The following PPIL2 variants were observed in gnomAD, a reference collection of about 807,000 sequenced individuals.
PPIL2 encodes the protein peptidylprolyl isomerase like 2.
PPIL2 carries 50 observed loss-of-function variants against 75.2 expected under a neutral mutation model. The observed-to-expected ratio is 0.66, with a 90% confidence interval of 0.53 to 0.84. The LOEUF is 0.84. Ranked by LOEUF, PPIL2 falls within the 40% of genes least tolerant of loss-of-function variation. The pLI, the probability that PPIL2 is intolerant of heterozygous loss-of-function variation, is 0.00. For missense variants in PPIL2, 590 were observed against 685.0 expected (o/e 0.86, Z 1.55); for synonymous variants, 245 against 258.8 (o/e 0.95, Z 0.51).
intron 13 of PPIL2, 70 bp downstream of exon 13, chr22:21,687,802 C>A: frequency 6.8e-7 from 1 of 1,463,930 alleles, no homozygotes. Context: ...GGGCTTGTCC[C>A]TGCCCCATCC....
chr22:21,690,450 C>T (rs1489989605), intron 15 of PPIL2, among the ~76,000 whole-genome samples: 2 of 151,486 alleles, frequency 1.3e-5, no homozygotes, highest in African/African-American at 4.9e-5. Flanking sequence ...GGCAGCTATT[C>T]GTGCCACTTC....
Position 21,686,912 on chromosome 22 carries a change from C to T in PPIL2, c.811C>T (p.Leu271=). The T allele has an allele frequency of 6.2e-7, 1 of 1,614,094 alleles. No homozygotes were observed. Among genetic ancestry groups the T allele is most frequent in the Non-Finnish European group, 8.5e-7 (1 of 1,180,014 alleles). Residue 271 remains leucine (L), a synonymous_variant, in exon 12 of 20, where the codon CTG becomes TTG. Transcript: ENST00000398831. ...TGTAGCTGCCATCGACGAGGATGTG[C>T]TGCGCTACCAGTTTGTGAAGAAGAA... ...HEAAAIDEDV[L]RYQFVKKKGY... is the part of the protein sequence containing the mutation.
At position 21,685,469 on chromosome 22, in the gene PPIL2, A is replaced by AG. The variant is rs1160699622; in HGVS notation, c.714+561dup. On this transcript the variant is annotated intron_variant, in intron 10 of 19. Coordinates refer to ENST00000398831, the MANE Select transcript of PPIL2 (RefSeq NM_014337.4). ...AGGCAGAGCATGGGGATCTGGAGCT[A>AG]GGGGGAGGGCAGAGACATGGGCAGG... Among the ~76,000 whole-genome samples, 8 of 152,244 alleles carry AG rather than the reference A, an allele frequency of 5.3e-5. No homozygotes were observed. In the East Asian group the frequency reaches 9.6e-4, roughly 18 times the overall value.
chr22:21,698,902 A>C (rs1206261013), downstream of PPIL2: 1 of 152,474 alleles, frequency 6.6e-6, no homozygotes, highest in Non-Finnish European at 1.5e-5. Flanking sequence ...TTGCAGGGCC[A>C]TAGCCGGATG....
intron 16 of PPIL2, among the ~76,000 whole-genome samples, chr22:21,694,341 TC>T (rs1433720998): frequency 6.6e-6 from 1 of 151,704 alleles, no homozygotes; most frequent in African/African-American, 2.4e-5. Flanking sequence ...GTTTTGTGAC[TC>T]CTATTTTTCC....
intron 15 of PPIL2, 77 bp downstream of exon 15, chr22:21,688,926 C>A: frequency 7.5e-7 from 1 of 1,333,240 alleles, no homozygotes; most frequent in Non-Finnish European, 1.1e-6. Context: ...TTGGCCCTCT[C>A]TGAAGGGTGT....
intron 3 of PPIL2, 39 bp from the exon 4 acceptor site, chr22:21,670,958 G>GT: frequency 6.4e-7 from 1 of 1,560,498 alleles, no homozygotes; most frequent in Non-Finnish European, 8.8e-7. Context: ...CCTGACCAGG[G>GT]TGCGTGGCAA....
chr22:21,668,844 T>C (rs2066502811), intron 1 of PPIL2, among the ~76,000 whole-genome samples: 1 of 150,406 alleles, frequency 6.6e-6, no homozygotes, highest in South Asian at 2.1e-4. Flanking sequence ...CCCGAGTAGC[T>C]GGGACTACAG....
At chr22:21,668,110 C>T (rs1278297875) in intron 1 of PPIL2, among the ~76,000 whole-genome samples, 1 of 151,704 alleles carries the variant, frequency 6.6e-6, no homozygotes, top group African/African-American at 2.4e-5. Context: ...TTAAACAGAA[C>T]TCTTGATTTT....
At chr22:21,673,544 G>A (rs886785428) in intron 5 of PPIL2, 1 of 152,262 alleles carries the variant, frequency 6.6e-6, no homozygotes, top group Non-Finnish European at 1.5e-5. Flanking sequence ...CTTGTCGATT[G>A]TGCTGGCCCC....
chr22:21,670,421 T>C lies in PPIL2; in HGVS notation c.83-145T>C. 3 of 1,475,722 alleles carry C rather than the reference T, an allele frequency of 2.0e-6. No homozygotes were observed. In the South Asian group the frequency reaches 3.8e-5, roughly 19 times the overall value. The allele number at this position is 1,475,722 out of a possible 1,614,324, so 91.4% of individuals were successfully genotyped here. On this transcript the variant is annotated intron_variant, in intron 2 of 19. Coordinates refer to ENST00000398831, the MANE Select transcript of PPIL2 (RefSeq NM_014337.4). ...ACCCCAAGTGTTTTGGTTTATCTGT[T>C]AAAAGGTTTTTAATCCACAGCAATT...
At position 21,696,077 on chromosome 22, in the gene PPIL2, T is replaced by C. The variant is rs73382397; in HGVS notation, c.*587T>C. 14,133 of 865,050 alleles carry C rather than the reference T, an allele frequency of 0.016. 129 individuals are homozygous for C. Among genetic ancestry groups the C allele is most frequent in the South Asian group, 0.034 (686 of 19,942 alleles). 53.6% of individuals were successfully genotyped at this position (865,050 alleles called of 1,614,324 possible). ...AGTGTGGTCCCCTGACCAACGCCAT[T>C]ACCTGGGACAAGTTTTCAGACCCCA... On this transcript the variant is annotated 3_prime_UTR_variant, in exon 20 of 20. Coordinates refer to ENST00000398831, the MANE Select transcript of PPIL2 (RefSeq NM_014337.4).
In PPIL2 at chr22:21,670,571, C is replaced by T. The variant is rs1278811798; in HGVS notation, c.88C>T (p.Pro30Ser). The T allele has an allele frequency of 1.1e-5, 17 of 1,610,042 alleles. No homozygotes were observed. The highest frequency in any genetic ancestry group is 1.4e-5 in the Non-Finnish European group (17 of 1,176,508). ...TTTATTTCATTTTTAAACAGATCTC[C>T]CACAAACAAATTTTCGTCGTTTACC... is the stretch of plus-strand genomic sequence containing the variant. ...HFYGGKKPDL[P>S]QTNFRRLPFD... The change falls in exon 3 of 20, where the codon CCA (proline) becomes TCA (serine). Residue 30 changes from proline (P) to serine (S), a missense_variant. Coordinates refer to ENST00000398831, the MANE Select transcript of PPIL2 (RefSeq NM_014337.4).
chr22:21,692,925 CAAAAAA>C (rs113931448), intron 15 of PPIL2, among the ~76,000 whole-genome samples: 1 of 103,790 alleles, frequency 9.6e-6, no homozygotes, highest in Non-Finnish European at 2.1e-5. Flanking sequence ...GATTCCATCT[CAAAAAA>C]AAAAAAAAAA....
rs565269493 is a variant in PPIL2, at chr22:21,694,496, C to T, written c.1197-97C>T. 1.9e-5 allele frequency: 27 copies of T among 1,384,806 alleles called. No homozygotes were observed. The African/African-American group carries it at 2.8e-4, about 14-fold the overall frequency. 85.8% of individuals were successfully genotyped at this position (1,384,806 alleles called of 1,614,324 possible). A position where few individuals can be genotyped will look rare whatever the true frequency, so the allele number is the denominator to read the frequency against. On this transcript the variant is annotated intron_variant, in intron 16 of 19. Transcript: ENST00000398831. The stretch of plus-strand genomic sequence containing the variant: ...TGCCCAAGGACCACCAGGCCAGCCT[C>T]GGGGCTCTCAACCCCTCTTCCCACG...
At chr22:21,699,695 G>A (rs1402328727), downstream of PPIL2, 1 of 152,776 alleles carries the variant, frequency 6.5e-6, no homozygotes, top group Non-Finnish European at 1.5e-5. Flanking sequence ...AAGTTTTGAA[G>A]TTTTTCCTGT....
intron 15 of PPIL2, among the ~76,000 whole-genome samples, chr22:21,692,344 T>C (rs1210416): frequency 0.35 from 52,522 of 150,804 alleles, 9,742 homozygotes; most frequent in Non-Finnish European, 0.4. Flanking sequence ...TTAGTAGAGA[T>C]GGGGTTTCAC....
intron 15 of PPIL2, among the ~76,000 whole-genome samples, chr22:21,689,984 G>C (rs897176567): frequency 6.6e-6 from 1 of 152,192 alleles, no homozygotes; most frequent in Non-Finnish European, 1.5e-5. Context: ...TGTCACACGT[G>C]GTCTCGGTTG....
rs1263801272 is a variant in PPIL2, at chr22:21,684,753, A to G, written c.554A>G (p.Asp185Gly). ...VKNNMKIIDP[D>G]EEKAKQDPSY... ...TCAGGGCCATGCTACTGTTTTGTAG[A>G]TGAAGAGAAGGCCAAACAGGACCCG... Residue 185 changes from aspartate (D) to glycine (G), a missense_variant and splice_region_variant, in exon 10 of 20, where the codon GAT becomes GGT. By Grantham distance (94) the Asp-to-Gly change is moderately conservative. Transcript: ENST00000398831. 2 of 1,613,776 alleles carry G rather than the reference A, an allele frequency of 1.2e-6. No homozygotes were observed. Among genetic ancestry groups the G allele is most frequent in the African/African-American group, 2.7e-5 (2 of 74,892 alleles).
Sources: allele counts gnomAD v4.1 joint callset (sites outside exome capture counted in the v4.1 genomes callset), GRCh38; gene constraint gnomAD v4.1.1; transcripts MANE v1.5; gene names NCBI Gene and HGNC (gene_info 2026-07-23, HGNC 2026-07-21).